Variants in ABHD17B observed in about 807,000 individuals in gnomAD.
The protein encoded by ABHD17B is abhydrolase domain containing 17B, depalmitoylase.
ABHD17B carries 9 observed loss-of-function variants against 26.2 expected under a neutral mutation model. The observed-to-expected ratio is 0.34, with a 90% CI of 0.21 to 0.60. The LOEUF (loss-of-function observed/expected upper bound fraction) is 0.60, where lower values mean the gene tolerates loss of function less well. Among genes scored for constraint, ABHD17B ranks in the 20% least tolerant of loss-of-function variants. ABHD17B has a pLI of 0.80. For missense variants in ABHD17B, 224 were observed against 352.1 expected (o/e 0.64, Z 2.91); for synonymous variants, 127 against 122.3 (o/e 1.04, Z -0.25).
chr9:71,865,573 T>G lies in ABHD17B; in HGVS notation c.*1214A>C. 1.0e-6 allele frequency: 1 copy of G among 985,278 alleles called. No individual in the cohort carries two copies. Among genetic ancestry groups the G allele is most frequent in the Non-Finnish European group, 1.2e-6 (1 of 829,872 alleles). 61.0% of individuals were successfully genotyped at this position (985,278 alleles called of 1,614,324 possible). On this transcript the variant is annotated 3_prime_UTR_variant, in exon 4 of 4. Coordinates refer to ENST00000333421, the MANE Select transcript of ABHD17B (RefSeq NM_001025780.3). ...AAACAATAGGTCCTATTTTTAAAAA[T>G]AGCTAAAGTGGGCCAGGCGCAGTGG...
At position 71,865,943 on chromosome 9, in the gene ABHD17B, C is replaced by T. The variant is rs192613409; in HGVS notation, c.*844G>A. The T allele has an allele frequency of 3.8e-5, 37 of 985,332 alleles. No homozygotes were observed. The highest frequency in any genetic ancestry group is 6.1e-5 in the Admixed American group (1 of 16,270). The allele number at this position is 985,332 out of a possible 1,614,324, so 61.0% of individuals were successfully genotyped here. ...TCTTTAAGATCAACTCATGGACTTT[C>T]GGGATTTCATACAATGAAGACTACT... On this transcript the variant is annotated 3_prime_UTR_variant, in exon 4 of 4. Coordinates refer to ENST00000333421, the MANE Select transcript of ABHD17B (RefSeq NM_001025780.3).
chr9:71,876,463 T>G (rs1404190), intron 1 of ABHD17B, among the ~76,000 whole-genome samples: 122,750 of 152,098 alleles, frequency 0.81, 50,356 homozygotes, highest in East Asian at 0.93. Context: ...GTAATACTTG[T>G]TAGTTCTATC....
downstream of ABHD17B, among the ~76,000 whole-genome samples, chr9:71,862,765 C>T (rs1237367010): frequency 6.6e-6 from 1 of 152,042 alleles, no homozygotes; most frequent in Non-Finnish European, 1.5e-5. Context: ...TGCTGTCAGT[C>T]TACAATTTCT....
At chr9:71,880,471 A>G (rs1332967151) in intron 1 of ABHD17B, among the ~76,000 whole-genome samples, 1 of 152,160 alleles carries the variant, frequency 6.6e-6, no homozygotes, top group African/African-American at 2.4e-5. Context: ...TTAATGAACT[A>G]AAGAAAAAAA....
chr9:71,892,655 G>T (rs183327444), intron 1 of ABHD17B, among the ~76,000 whole-genome samples: 2 of 151,550 alleles, frequency 1.3e-5, no homozygotes, highest in African/African-American at 4.9e-5. Flanking sequence ...ATTAATTTGG[G>T]GGGGGGAAGG....
intron 1 of ABHD17B, among the ~76,000 whole-genome samples, chr9:71,882,912 G>A (rs1002070210): frequency 7.9e-5 from 12 of 152,056 alleles, no homozygotes; most frequent in African/African-American, 1.4e-4. Flanking sequence ...TTGGGAGGCC[G>A]ATGTGGGCAG....
At chr9:71,890,761 T>C (rs764286503) in intron 1 of ABHD17B, among the ~76,000 whole-genome samples, 4 of 152,214 alleles carry the variant, frequency 2.6e-5, no homozygotes, top group Non-Finnish European at 4.4e-5. Flanking sequence ...AGGCTTTAAT[T>C]TTCTGAAGTT....
At chr9:71,898,003 G>T (rs1435889824) in intron 1 of ABHD17B, among the ~76,000 whole-genome samples, 2 of 151,830 alleles carry the variant, frequency 1.3e-5, no homozygotes, top group Non-Finnish European at 2.9e-5. Context: ...TTTTTTTTCA[G>T]TAGTGCTTAA....
chr9:71,901,324 T>A (rs1404071858), intron 1 of ABHD17B, among the ~76,000 whole-genome samples: 1 of 152,056 alleles, frequency 6.6e-6, no homozygotes, highest in Non-Finnish European at 1.5e-5. Flanking sequence ...TGAATTGTAA[T>A]ATAACATCTA....
At chr9:71,909,031 TTGG>T (rs1827367443) in intron 1 of ABHD17B, among the ~76,000 whole-genome samples, 1 of 152,210 alleles carries the variant, frequency 6.6e-6, no homozygotes, top group Non-Finnish European at 1.5e-5. Flanking sequence ...ATGATGTTTT[TTGG>T]TGATTTTGTT....
At chr9:71,904,145 CT>C (rs1452421282) in intron 1 of ABHD17B, among the ~76,000 whole-genome samples, 1 of 152,226 alleles carries the variant, frequency 6.6e-6, no homozygotes, top group Non-Finnish European at 1.5e-5. Context: ...CACCTTACCC[CT>C]CTCTATGTTT....
At chr9:71,890,293 GAC>G (rs759363829) in intron 1 of ABHD17B, among the ~76,000 whole-genome samples, 1 of 151,246 alleles carries the variant, frequency 6.6e-6, no homozygotes. Flanking sequence ...CTGTCACACA[GAC>G]ACACACACAC....
chr9:71,882,056 A>G (rs1000231577), intron 1 of ABHD17B, among the ~76,000 whole-genome samples: 1 of 152,262 alleles, frequency 6.6e-6, no homozygotes, highest in Non-Finnish European at 1.5e-5. Context: ...CAAAACCACA[A>G]AGAGATACAG....
chr9:71,895,818 C>G (rs1279186878), intron 1 of ABHD17B, among the ~76,000 whole-genome samples: 1 of 152,214 alleles, frequency 6.6e-6, no homozygotes, highest in East Asian at 1.9e-4. Flanking sequence ...ACTTAATGTG[C>G]CAACAGCTTG....
Position 71,867,223 on chromosome 9 carries a change from T to C in ABHD17B, c.648-217A>G, listed in dbSNP as rs541346876. On this transcript the variant is annotated intron_variant, in intron 3 of 3. Transcript: ENST00000333421. ...AGGAAGTTATTTTCATGCACTTGTT[T>C]TGATGGTTTTGCTGGAATCACTCAA... 3.9e-5 allele frequency among the ~76,000 whole-genome samples: 6 copies of C among 152,320 alleles called. No homozygotes were observed. The South Asian group carries it at 1.2e-3, about 32-fold the overall frequency.
chr9:71,909,602 T>C (rs542675585), intron 1 of ABHD17B, among the ~76,000 whole-genome samples: 4 of 152,344 alleles, frequency 2.6e-5, no homozygotes, highest in Admixed American at 2.6e-4. Context: ...TTAGGTATTA[T>C]AGTTTCATAT....
At chr9:71,907,453 C>T (rs1827317175) in intron 1 of ABHD17B, among the ~76,000 whole-genome samples, 1 of 151,934 alleles carries the variant, frequency 6.6e-6, no homozygotes, top group Admixed American at 6.6e-5. Flanking sequence ...GGTTAGATAT[C>T]GGGGGGAAAA....
chr9:71,881,309 T>C (rs910035135), intron 1 of ABHD17B, among the ~76,000 whole-genome samples: 2 of 152,170 alleles, frequency 1.3e-5, no homozygotes, highest in Non-Finnish European at 2.9e-5. Flanking sequence ...GAAATTTTAC[T>C]CTTACTTCAC....
chr9:71,865,124 A>G, downstream of ABHD17B: 2 of 981,292 alleles, frequency 2.0e-6, no homozygotes, highest in Non-Finnish European at 2.4e-6. Flanking sequence ...GGGGGTGGGG[A>G]GCATGGAAAA....
Sources: gnomAD v4.1 joint callset for allele counts (sites outside exome capture counted in the v4.1 genomes callset) on GRCh38, gnomAD v4.1.1 for gene constraint, MANE v1.5 for transcripts, NCBI Gene and HGNC (gene_info 2026-07-23, HGNC 2026-07-21) for gene names.